Variants in RFC3 observed in about 807,000 individuals in gnomAD.
The protein encoded by RFC3 is replication factor C subunit 3, also known as A1 38 kDa subunit.
A neutral mutation model predicts 45.1 loss-of-function variants in RFC3; 41 were observed. The observed-to-expected ratio is 0.91, with a 90% CI of 0.71 to 1.18. The LOEUF (loss-of-function observed/expected upper bound fraction) is 1.18. Ranked by LOEUF, RFC3 falls within the 50% of genes most tolerant of loss-of-function variation. The probability of loss-of-function intolerance (pLI) is 0.00; values close to 1 mark genes in which losing one functional copy is unlikely to be tolerated. For synonymous variants in RFC3, 149 were observed against 144.0 expected (o/e 1.03, Z -0.25); for missense variants, 423 against 428.1 (o/e 0.99, Z 0.10).
the RFC3 span, among the ~76,000 whole-genome samples, chr13:33,971,951 A>G: frequency 2.6e-4 from 1 of 3,788 alleles, no homozygotes; most frequent in East Asian, 0.25. Context: ...ATCTCTAATA[A>G]AAATACAAAA....
At chr13:33,852,674 A>C (rs1444856625) in intron 8 of RFC3, among the ~76,000 whole-genome samples, 1 of 152,156 alleles carries the variant, frequency 6.6e-6, no homozygotes, top group African/African-American at 2.4e-5. Flanking sequence ...AAATGTATTG[A>C]GTATAATAGT....
chr13:33,887,985 G>A (rs528328874), intron 8 of RFC3, among the ~76,000 whole-genome samples: 16 of 151,982 alleles, frequency 1.1e-4, no homozygotes, highest in Non-Finnish European at 1.9e-4. Flanking sequence ...TCCATTGATC[G>A]ACATCTCTGT....
chr13:33,875,167 A>C (rs1489132735), intron 8 of RFC3, among the ~76,000 whole-genome samples: 2 of 152,230 alleles, frequency 1.3e-5, no homozygotes, highest in Non-Finnish European at 2.9e-5. Context: ...GTGATGAATA[A>C]AACAAACCTT....
chr13:33,851,015 T>C (rs936364461), intron 8 of RFC3, among the ~76,000 whole-genome samples: 2 of 152,180 alleles, frequency 1.3e-5, no homozygotes, highest in Non-Finnish European at 2.9e-5. Context: ...ATTGCCTGAT[T>C]CAGCATGAAT....
intron 8 of RFC3, among the ~76,000 whole-genome samples, chr13:33,950,519 T>TA (rs2082982956): frequency 6.6e-6 from 1 of 152,172 alleles, no homozygotes; most frequent in Non-Finnish European, 1.5e-5. Context: ...AATAAAGAAA[T>TA]ACTCCTTTCA....
At chr13:33,976,897 A>G in the RFC3 span, among the ~76,000 whole-genome samples, 1 of 152,142 alleles carries the variant, frequency 6.6e-6, no homozygotes, top group Non-Finnish European at 1.5e-5. Context: ...TTGTAACTTA[A>G]TAGAGGAGAA....
chr13:33,959,544 C>T (rs1179845284), intron 8 of RFC3, among the ~76,000 whole-genome samples: 1 of 152,178 alleles, frequency 6.6e-6, no homozygotes, highest in Non-Finnish European at 1.5e-5. Context: ...TCCTCACTCC[C>T]AGTGAGTCTC....
chr13:33,944,363 G>C (rs1201517464), intron 8 of RFC3, among the ~76,000 whole-genome samples: 2 of 152,160 alleles, frequency 1.3e-5, no homozygotes, highest in Admixed American at 6.6e-5. Flanking sequence ...TTCCAACGCT[G>C]CTCATTATAT....
the RFC3 span, among the ~76,000 whole-genome samples, chr13:33,972,634 C>T: frequency 1.3e-5 from 2 of 152,168 alleles, no homozygotes; most frequent in African/African-American, 4.8e-5. Context: ...GGACACCAAA[C>T]TCTGTACCTG....
intron 8 of RFC3, among the ~76,000 whole-genome samples, chr13:33,919,557 A>C (rs2082754686): frequency 6.6e-6 from 1 of 152,136 alleles, no homozygotes; most frequent in South Asian, 2.1e-4. Flanking sequence ...CACCTAGAAA[A>C]GTGAATAAAC....
intron 8 of RFC3, among the ~76,000 whole-genome samples, chr13:33,945,708 A>G (rs1359645388): frequency 1.3e-5 from 2 of 152,344 alleles, no homozygotes; most frequent in African/African-American, 4.8e-5. Context: ...ACGCTGCCTG[A>G]TAATCACCAT....
At chr13:33,822,037 G>T (rs2082008236) in intron 2 of RFC3, among the ~76,000 whole-genome samples, 1 of 152,122 alleles carries the variant, frequency 6.6e-6, no homozygotes, top group Non-Finnish European at 1.5e-5. Flanking sequence ...ATTAGGCATT[G>T]AAAAAATCAT....
intron 8 of RFC3, chr13:33,850,714 C>T (rs1357207660): frequency 6.6e-6 from 1 of 152,062 alleles, no homozygotes; most frequent in African/African-American, 2.4e-5. Context: ...ACTTACAGGA[C>T]AAACTCATTT....
intron 8 of RFC3, among the ~76,000 whole-genome samples, chr13:33,928,236 A>T (rs2082828033): frequency 6.6e-6 from 1 of 152,110 alleles, no homozygotes; most frequent in Admixed American, 6.5e-5. Context: ...TCCAAGAAAG[A>T]CTGAGTCAAT....
chr13:33,898,855 C>T (rs754351376), intron 8 of RFC3, among the ~76,000 whole-genome samples: 1 of 151,706 alleles, frequency 6.6e-6, no homozygotes, highest in Non-Finnish European at 1.5e-5. Flanking sequence ...TCCTTAGAGA[C>T]TGTTATGCTA....
At chr13:33,912,708 G>T (rs144527260) in intron 8 of RFC3, among the ~76,000 whole-genome samples, 1 of 152,186 alleles carries the variant, frequency 6.6e-6, no homozygotes, top group Non-Finnish European at 1.5e-5. Flanking sequence ...GAACGCTGTG[G>T]GATCATACAG....
rs772189569 is a variant in RFC3, at chr13:33,830,796, G to A, written c.651G>A (p.Glu217=). 2 of 1,612,598 alleles carry A rather than the reference G, an allele frequency of 1.2e-6. No individual in the cohort carries two copies. The highest frequency in any genetic ancestry group is 4.5e-5 in the East Asian group (2 of 44,872). The change falls in exon 6 of 9, where the codon GAG becomes GAA. Residue 217 remains glutamate, a synonymous_variant. Coordinates refer to ENST00000380071, the MANE Select transcript of RFC3 (RefSeq NM_002915.4). ...CACAACTGGCTCATAGACTTGCAGAGAAGTCTTGTAGAAATCTCAGAAAAG... is the reference window on the plus strand; with the variant it reads ...CACAACTGGCTCATAGACTTGCAGAAAAGTCTTGTAGAAATCTCAGAAAAG... ...LPSQLAHRLA[E]KSCRNLRKAL...
intron 8 of RFC3, among the ~76,000 whole-genome samples, chr13:33,872,142 A>G (rs1486699851): frequency 2.0e-5 from 3 of 152,188 alleles, no homozygotes; most frequent in Non-Finnish European, 2.9e-5. Flanking sequence ...GGCTGTGACA[A>G]AGGGCAGAGT....
Position 33,823,945 on chromosome 13 carries a change from GC to G in RFC3, c.255del (p.Ser85ArgfsTer22). 6.4e-7 allele frequency: 1 copy of G among 1,565,170 alleles called. No individual in the cohort carries two copies. Among genetic ancestry groups the G allele is most frequent in the Non-Finnish European group, 8.7e-7 (1 of 1,142,898 alleles). On this transcript the variant is annotated frameshift_variant, in exon 3 of 9. Coordinates refer to ENST00000380071, the MANE Select transcript of RFC3 (RefSeq NM_002915.4). LOFTEE classifies it high-confidence loss of function. ...CCATCTAAAAAAAAAATTGAAATTA[GC>G]ACCATTGCAAGTAACTACCACCTTG... ...TTPSKKKIEI[S>X]TIASNYHLEV...
Sources: gnomAD v4.1 joint callset for allele counts (sites outside exome capture counted in the v4.1 genomes callset) on GRCh38, gnomAD v4.1.1 for gene constraint, MANE v1.5 for transcripts, NCBI Gene and HGNC (gene_info 2026-07-23, HGNC 2026-07-21) for gene names.